The following TFEC variants were observed in gnomAD, a reference collection of about 807,000 sequenced individuals.
TFEC encodes class E basic helix-loop-helix protein 34.
TFEC carries 31 observed loss-of-function variants against 41.6 expected under a neutral mutation model. The ratio of observed to expected loss-of-function variants is 0.74; its 90% CI spans 0.56 to 1.01. TFEC has a LOEUF of 1.01. Among genes scored for constraint, TFEC ranks in the 50% least tolerant of loss-of-function variants. The pLI is 0.00. For missense variants in TFEC, 402 were observed against 404.1 expected (o/e 0.99, Z 0.04); for synonymous variants, 143 against 140.6 (o/e 1.02, Z -0.12).
intron 3 of TFEC, among the ~76,000 whole-genome samples, chr7:116,102,719 A>T (rs1797632432): frequency 6.6e-6 from 1 of 152,166 alleles, no homozygotes; most frequent in East Asian, 1.9e-4. Context: ...TTTTCATTTC[A>T]TTTACACTTG....
At chr7:116,052,516 G>A (rs1200682990) in intron 3 of TFEC, among the ~76,000 whole-genome samples, 1 of 151,952 alleles carries the variant, frequency 6.6e-6, no homozygotes, top group Non-Finnish European at 1.5e-5. Context: ...GCAACCTCCA[G>A]CTCCCGGGTT....
At chr7:116,113,591 A>G (rs1045822379) in intron 1 of TFEC, among the ~76,000 whole-genome samples, 4 of 152,032 alleles carry the variant, frequency 2.6e-5, no homozygotes, top group African/African-American at 7.2e-5. Context: ...AGTCAGTGAT[A>G]TATCTTTGCC....
intron 1 of TFEC, among the ~76,000 whole-genome samples, chr7:116,018,322 C>T (rs1172135767): frequency 6.6e-6 from 1 of 152,152 alleles, no homozygotes; most frequent in African/African-American, 2.4e-5. Context: ...TTTCAGAATG[C>T]CTGATCATAA....
chr7:116,063,038 C>T (rs1274799363), intron 3 of TFEC, among the ~76,000 whole-genome samples: 2 of 152,030 alleles, frequency 1.3e-5, no homozygotes, highest in African/African-American at 4.8e-5. Flanking sequence ...ATGTTGGAAA[C>T]AATGCAAATG....
chr7:116,056,509 C>T (rs1796434206), intron 3 of TFEC, among the ~76,000 whole-genome samples: 1 of 152,134 alleles, frequency 6.6e-6, no homozygotes, highest in Admixed American at 6.6e-5. Flanking sequence ...GACCAGTTCT[C>T]ACACCAGGCC....
At chr7:116,060,824 A>G (rs1796537692) in intron 3 of TFEC, among the ~76,000 whole-genome samples, 1 of 152,138 alleles carries the variant, frequency 6.6e-6, no homozygotes, top group African/African-American at 2.4e-5. Context: ...TTGTTTACCT[A>G]TATAACAAAC....
At chr7:116,032,145 T>G (rs936930032), upstream of TFEC, among the ~76,000 whole-genome samples, 3 of 152,184 alleles carry the variant, frequency 2.0e-5, no homozygotes, top group Non-Finnish European at 4.4e-5. Flanking sequence ...AACATGCACA[T>G]AGATACATAT....
At chr7:116,146,861 C>T (rs546662519) in intron 1 of TFEC, among the ~76,000 whole-genome samples, 93 of 152,114 alleles carry the variant, frequency 6.1e-4, no homozygotes, top group Non-Finnish European at 1.1e-3. Flanking sequence ...AAAGAGACTA[C>T]TGAAAGTGCA....
chr7:116,110,968 T>A, intron 2 of TFEC: 1 of 1,127,076 alleles, frequency 8.9e-7, no homozygotes, highest in Non-Finnish European at 1.2e-6. Context: ...GTAAAACACA[T>A]ACAAAATAAT....
At chr7:116,111,477 A>G (rs963981141) in intron 2 of TFEC, among the ~76,000 whole-genome samples, 4 of 152,092 alleles carry the variant, frequency 2.6e-5, no homozygotes, top group Admixed American at 2.0e-4. Context: ...TGAAAGTTGT[A>G]TCCTCATTAA....
chr7:116,036,868 G>C (rs1795923955), intron 3 of TFEC, among the ~76,000 whole-genome samples: 1 of 152,022 alleles, frequency 6.6e-6, no homozygotes, highest in Non-Finnish European at 1.5e-5. Flanking sequence ...CAGGATGTTG[G>C]AATGAGAAAT....
At chr7:116,125,354 T>C (rs1798187903) in intron 1 of TFEC, among the ~76,000 whole-genome samples, 1 of 152,044 alleles carries the variant, frequency 6.6e-6, no homozygotes, top group Non-Finnish European at 1.5e-5. Context: ...GTATAGAAAA[T>C]GTGACATGAA....
chr7:116,095,830 T>C (rs1277244284), intron 3 of TFEC, among the ~76,000 whole-genome samples: 1 of 152,138 alleles, frequency 6.6e-6, no homozygotes, highest in African/African-American at 2.4e-5. Flanking sequence ...CACTACTTTT[T>C]TTCTCATCCA....
At chr7:116,007,655 A>G (rs1375599465) in intron 1 of TFEC, among the ~76,000 whole-genome samples, 1 of 152,204 alleles carries the variant, frequency 6.6e-6, no homozygotes, top group Admixed American at 6.5e-5. Flanking sequence ...TACTAGGTGA[A>G]TAACAGTAGA....
chr7:116,007,293 A>G (rs1490670718), intron 1 of TFEC, among the ~76,000 whole-genome samples: 1 of 152,160 alleles, frequency 6.6e-6, no homozygotes, highest in Non-Finnish European at 1.5e-5. Context: ...ATTTCAGGGT[A>G]TTTGGTATCT....
At chr7:115,981,942 AGGT>A (rs1301147249) in intron 2 of TFEC, among the ~76,000 whole-genome samples, 1 of 152,232 alleles carries the variant, frequency 6.6e-6, no homozygotes, top group African/African-American at 2.4e-5. Context: ...AGTCTGAGCC[AGGT>A]GCAAGGGTTA....
chr7:115,990,731 TA>T (rs1034673579), intron 1 of TFEC, among the ~76,000 whole-genome samples: 1 of 152,070 alleles, frequency 6.6e-6, no homozygotes, highest in African/African-American at 2.4e-5. Flanking sequence ...TGGGACTATG[TA>T]AAAAGACCAA....
chr7:116,126,707 TC>T (rs1798216404), intron 1 of TFEC, among the ~76,000 whole-genome samples: 1 of 152,140 alleles, frequency 6.6e-6, no homozygotes, highest in African/African-American at 2.4e-5. Context: ...AAATTTTATT[TC>T]CCTTTTACAC....
chr7:115,946,854 A>G (rs1791607797), intron 6 of TFEC, among the ~76,000 whole-genome samples: 1 of 151,244 alleles, frequency 6.6e-6, no homozygotes, highest in Admixed American at 6.6e-5. Flanking sequence ...TCACTTTATC[A>G]AACATGATCA....
Sources: allele counts gnomAD v4.1 joint callset (sites outside exome capture counted in the v4.1 genomes callset), GRCh38; gene constraint gnomAD v4.1.1; transcripts MANE v1.5; gene names NCBI Gene and HGNC (gene_info 2026-07-23, HGNC 2026-07-21).